Variants in LGALS2 observed in about 807,000 individuals in gnomAD.
LGALS2 encodes galectin-2.
LGALS2 carries 7 observed loss-of-function variants against 10.1 expected under a neutral mutation model. The observed-to-expected ratio is 0.70, with a 90% CI of 0.40 to 1.31. The LOEUF (loss-of-function observed/expected upper bound fraction) is 1.31, where lower values mean the gene tolerates loss of function less well. LGALS2 is among the 50% of genes most tolerant of loss of function. The pLI is 0.01. For missense variants in LGALS2, 167 were observed against 163.6 expected (o/e 1.02, Z -0.11); for synonymous variants, 86 against 64.2 (o/e 1.34, Z -1.63).
At position 37,577,453 on chromosome 22, in the gene LGALS2, G is replaced by C. The variant is rs541979629; in HGVS notation, c.6+2447C>G. On this transcript the variant is annotated intron_variant, in intron 1 of 3. Transcript: ENST00000215886. ...CAACCTCTGCCTCCCGGGTTCAACCGATTCTCCTGCCTCAGCCTCCCAAGT... is the reference window on the plus strand; with the variant it reads ...CAACCTCTGCCTCCCGGGTTCAACCCATTCTCCTGCCTCAGCCTCCCAAGT... Among the ~76,000 whole-genome samples the C allele has an allele frequency of 2.0e-5, 3 of 150,244 alleles. No individual in the cohort carries two copies. The East Asian group carries it at 5.9e-4, about 29-fold the overall frequency.
At chr22:37,575,605 C>G in intron 1 of LGALS2, among the ~76,000 whole-genome samples, 1 of 151,142 alleles carries the variant, frequency 6.6e-6, no homozygotes, top group East Asian at 1.9e-4. Flanking sequence ...GGACCACAGG[C>G]ATCCCACCTG....
At chr22:37,575,878 C>G (rs1276230453) in intron 1 of LGALS2, among the ~76,000 whole-genome samples, 1 of 152,200 alleles carries the variant, frequency 6.6e-6, no homozygotes, top group Non-Finnish European at 1.5e-5. Context: ...CCTTGGCCGT[C>G]TGGACGTTTG....
At chr22:37,578,951 G>T (rs1373911760) in intron 1 of LGALS2, 3 of 152,258 alleles carry the variant, frequency 2.0e-5, no homozygotes, top group Admixed American at 2.0e-4. Flanking sequence ...ATCGGGTGTG[G>T]TGGCCCATGC....
chr22:37,579,329 C>A (rs545819123), intron 1 of LGALS2, among the ~76,000 whole-genome samples: 1 of 151,480 alleles, frequency 6.6e-6, no homozygotes, highest in East Asian at 1.9e-4. Flanking sequence ...CCCAGCTACT[C>A]AAGAGGCTGA....
intron 1 of LGALS2, among the ~76,000 whole-genome samples, chr22:37,575,599 C>T (rs1223259045): frequency 6.6e-6 from 1 of 151,394 alleles, no homozygotes; most frequent in African/African-American, 2.4e-5. Flanking sequence ...TAGCCTGGAC[C>T]ACAGGCATCC....
Position 37,570,376 on chromosome 22 carries a change from T to A in LGALS2, c.286A>T (p.Lys96Ter). ...GTCAGCTCGTGCCCATCTGGCAGCTTCACCTTGAATTTGTCACTCTCAAAG... is the reference window on the plus strand; with the variant it reads ...GTCAGCTCGTGCCCATCTGGCAGCTACACCTTGAATTTGTCACTCTCAAAG... Reference protein sequence around the residue: ...VTFESDKFKVKLPDGHELTFP... With the variant: ...VTFESDKFKV Residue 96 changes from lysine (K) to a stop codon, truncating the protein, a stop_gained, in exon 4 of 4, where the codon AAG (lysine) becomes TAG (stop). Transcript: ENST00000215886. LOFTEE classifies it low-confidence loss of function (END_TRUNC). The A allele has an allele frequency of 6.2e-7, 1 of 1,613,960 alleles. No homozygotes were observed. The highest frequency in any genetic ancestry group is 1.1e-5 in the South Asian group (1 of 91,078).
At chr22:37,572,799 T>TAATAAATA (rs764511389) in intron 1 of LGALS2, among the ~76,000 whole-genome samples, 11 of 129,078 alleles carry the variant, frequency 8.5e-5, no homozygotes, top group Admixed American at 4.6e-4. Flanking sequence ...ATAATAATAA[T>TAATAAATA]AAATAAAATA....
At chr22:37,575,001 G>C (rs1925627879) in intron 1 of LGALS2, among the ~76,000 whole-genome samples, 1 of 151,326 alleles carries the variant, frequency 6.6e-6, no homozygotes, top group Non-Finnish European at 1.5e-5. Flanking sequence ...TCCTGCCTCA[G>C]CCTCCCGAGT....
chr22:37,576,858 T>C (rs946022938), intron 1 of LGALS2, among the ~76,000 whole-genome samples: 2 of 152,022 alleles, frequency 1.3e-5, no homozygotes, highest in African/African-American at 4.8e-5. Context: ...GGGTCAGGGG[T>C]GCACTTGGAC....
intron 3 of LGALS2, 75 bp downstream of exon 3, chr22:37,570,501 G>A: frequency 6.2e-7 from 1 of 1,607,790 alleles, no homozygotes; most frequent in Non-Finnish European, 8.5e-7. Flanking sequence ...CAGCACCTGT[G>A]TCCAGGCCAG....
At position 37,579,084 on chromosome 22, in the gene LGALS2, AC is replaced by A. The variant is rs535772315; in HGVS notation, c.6+815del. On this transcript the variant is annotated intron_variant, in intron 1 of 3. Transcript: ENST00000215886. Reference sequence around the variant, plus strand: ...CCTGGGCAACAGAAACTCCATCTCAACAAAAAAAAAAAAATTAGCCAGGTGT... The same window carrying A: ...CCTGGGCAACAGAAACTCCATCTCAAAAAAAAAAAAAAATTAGCCAGGTGT... 8.9e-4 allele frequency among the ~76,000 whole-genome samples: 128 copies of A among 144,488 alleles called. 5 individuals carry two copies. Among genetic ancestry groups the A allele is most frequent in the Middle Eastern group, 7.0e-3 (2 of 284 alleles). 94.8% of individuals were successfully genotyped at this position (144,488 alleles called of 152,430 possible).
intron 1 of LGALS2, among the ~76,000 whole-genome samples, chr22:37,575,492 G>A (rs1925646553): frequency 6.6e-6 from 1 of 151,848 alleles, no homozygotes; most frequent in South Asian, 2.1e-4. Flanking sequence ...TAAAGGTCTT[G>A]CTCTGTCACC....
chr22:37,580,058 C>T lies in LGALS2; in HGVS notation c.-153G>A. On this transcript the variant is annotated 5_prime_UTR_variant, in exon 1 of 4. Transcript: ENST00000215886. ...GCCCCTTCTACCTTGTGTCTCCCCG[C>T]CTGCATCTCCCAGTACCCAGCACAA... The T allele has an allele frequency of 1.6e-6, 1 of 619,276 alleles. No individual in the cohort carries two copies. The highest frequency in any genetic ancestry group is 2.8e-6 in the Non-Finnish European group (1 of 359,022). 38.4% of individuals were successfully genotyped at this position (619,276 alleles called of 1,614,324 possible).
At chr22:37,572,406 C>T (rs1430652492) in intron 1 of LGALS2, among the ~76,000 whole-genome samples, 3 of 151,988 alleles carry the variant, frequency 2.0e-5, no homozygotes, top group Admixed American at 1.3e-4. Context: ...CCGAGGCGGG[C>T]TGATCACCTG....
chr22:37,580,053 C>G lies in LGALS2; in HGVS notation c.-148G>C. 1.5e-6 allele frequency: 1 copy of G among 655,626 alleles called. No individual in the cohort carries two copies. The highest frequency in any genetic ancestry group is 2.7e-5 in the Admixed American group (1 of 37,156). 40.6% of individuals were successfully genotyped at this position (655,626 alleles called of 1,614,324 possible). A position where few individuals can be genotyped will look rare whatever the true frequency, so the allele number is the denominator to read the frequency against. On this transcript the variant is annotated 5_prime_UTR_variant, in exon 1 of 4. Transcript: ENST00000215886. The stretch of plus-strand genomic sequence containing the variant: ...ACTTTGCCCCTTCTACCTTGTGTCT[C>G]CCCGCCTGCATCTCCCAGTACCCAG...
In LGALS2 at chr22:37,570,293, G is replaced by A; in HGVS notation, c.369C>T (p.Phe123=). The change falls in exon 4 of 4, where the codon TTC becomes TTT. Residue 123 remains phenylalanine, a synonymous_variant. Transcript: ENST00000215886. ...HLSYLSVRGG[F]NMSSFKLKE is the part of the protein sequence containing the mutation. ...CTTTTAACTTGAAAGAGGACATGTT[G>A]AACCCGCCCCTTACGCTCAGGTAGC... 1 of 1,611,276 alleles carries A rather than the reference G, an allele frequency of 6.2e-7. No individual in the cohort carries two copies. The highest frequency in any genetic ancestry group is 8.5e-7 in the Non-Finnish European group (1 of 1,177,624).
At chr22:37,574,054 T>C (rs1410066677) in intron 1 of LGALS2, among the ~76,000 whole-genome samples, 1 of 152,162 alleles carries the variant, frequency 6.6e-6, no homozygotes, top group East Asian at 1.9e-4. Flanking sequence ...TTTTCTTTTT[T>C]TCTGGACAGT....
At chr22:37,572,575 G>A (rs1477200333) in intron 1 of LGALS2, among the ~76,000 whole-genome samples, 1 of 151,802 alleles carries the variant, frequency 6.6e-6, no homozygotes, top group African/African-American at 2.4e-5. Context: ...AGACCATCCT[G>A]GCTAACATGG....
intron 1 of LGALS2, among the ~76,000 whole-genome samples, chr22:37,577,096 T>C (rs577214657): frequency 6.6e-6 from 1 of 152,198 alleles, no homozygotes; most frequent in East Asian, 1.9e-4. Context: ...GGTTCCCTTA[T>C]CTGTCGTATA....
Sources: gnomAD v4.1 joint callset for allele counts (sites outside exome capture counted in the v4.1 genomes callset) on GRCh38, gnomAD v4.1.1 for gene constraint, MANE v1.5 for transcripts, NCBI Gene and HGNC (gene_info 2026-07-23, HGNC 2026-07-21) for gene names.